SNX5: variants seen among roughly 807,000 people sequenced by gnomAD.
The protein encoded by SNX5 is sorting nexin-5.
Under a neutral mutation model 53.9 loss-of-function variants are expected in SNX5, and 31 were observed. The ratio of observed to expected loss-of-function variants is 0.58; its 90% CI spans 0.43 to 0.78. SNX5 has a LOEUF of 0.78. Among genes scored for constraint, SNX5 ranks in the 30% least tolerant of loss-of-function variants. SNX5 has a pLI of 0.00. For missense variants in SNX5, 471 were observed against 478.8 expected, an observed-to-expected ratio of 0.98 and a Z score of 0.15; for synonymous variants, 168 against 171.1, an observed-to-expected ratio of 0.98 and a Z score of 0.14.
At chr20:17,948,728 T>C (rs541923753) in intron 10 of SNX5, among the ~76,000 whole-genome samples, 162 bp downstream of exon 10, 5 of 152,336 alleles carry the variant, frequency 3.3e-5, no homozygotes, top group Admixed American at 2.6e-4. Context: ...ACCCATACAG[T>C]GCTGTCAGAT....
At position 17,961,896 on chromosome 20, in the gene SNX5, G is replaced by A. The variant is rs866648517; in HGVS notation, c.52-4859C>T. The A allele has an allele frequency of 2.6e-4, 256 of 985,158 alleles. No homozygotes were observed. The Middle Eastern group carries it at 6.8e-3, about 26-fold the overall frequency. The allele number at this position is 985,158 out of a possible 1,614,324, so 61.0% of individuals were successfully genotyped here. ...TGGAAAGATATCCACACCTTGCCTA[G>A]TCCAATATTTGTTAAGTGAGAATAT... On this transcript the variant is annotated intron_variant, in intron 1 of 12. Coordinates refer to ENST00000377759, the MANE Select transcript of SNX5 (RefSeq NM_014426.4).
rs777870522 is a variant in SNX5 at position 17,955,342 on chromosome 20, AT to A, written c.267+22del. 1.9e-6 allele frequency: 3 copies of A among 1,546,660 alleles called. No individual in the cohort carries two copies. The East Asian group carries it at 6.7e-5, about 35-fold the overall frequency. On this transcript the variant is annotated intron_variant, in intron 3 of 12. Coordinates refer to ENST00000377759, the MANE Select transcript of SNX5 (RefSeq NM_014426.4). The stretch of plus-strand genomic sequence containing the variant: ...ATAGCAAGGCAGAAAGAACTAGCTT[AT>A]TTGATTTTCTAAAAGACTCACAATA...
chr20:17,958,868 C>G (rs2035406212), intron 1 of SNX5, among the ~76,000 whole-genome samples: 1 of 152,142 alleles, frequency 6.6e-6, no homozygotes, highest in African/African-American at 2.4e-5. Context: ...AGAGGCTATA[C>G]CAACGACTCT....
At chr20:17,965,229 C>A (rs979163104) in intron 1 of SNX5, among the ~76,000 whole-genome samples, 1 of 152,062 alleles carries the variant, frequency 6.6e-6, no homozygotes, top group African/African-American at 2.4e-5. Flanking sequence ...GGGAGGAGGC[C>A]GCGTCCTAGC....
chr20:17,961,770 T>G (rs2035454957), intron 1 of SNX5: 1 of 985,290 alleles, frequency 1.0e-6, no homozygotes, highest in African/African-American at 1.7e-5. Context: ...TTCCACTGCC[T>G]AAGAAACTAA....
chr20:17,953,591 C>A (rs968616007), intron 4 of SNX5, among the ~76,000 whole-genome samples: 1 of 151,972 alleles, frequency 6.6e-6, no homozygotes, highest in Non-Finnish European at 1.5e-5. Context: ...CCAGCCGGGG[C>A]AACACATGAC....
At position 17,961,488 on chromosome 20, in the gene SNX5, T is replaced by G. The variant is rs1285942863; in HGVS notation, c.52-4451A>C. 3 of 985,330 alleles carry G rather than the reference T, an allele frequency of 3.0e-6. No homozygotes were observed. In the East Asian group the frequency reaches 3.4e-4, roughly 111 times the overall value. 61.0% of individuals were successfully genotyped at this position (985,330 alleles called of 1,614,324 possible). On this transcript the variant is annotated intron_variant, in intron 1 of 12. Coordinates refer to ENST00000377759, the MANE Select transcript of SNX5 (RefSeq NM_014426.4). The stretch of plus-strand genomic sequence containing the variant: ...CTCCACAATCTCTGATCTGTTAGAT[T>G]GGGGCTAGTTGAACAGTCATTTAAA...
At position 17,968,429 on chromosome 20, in the gene SNX5, G is replaced by A. The variant is rs1600367627; in HGVS notation, c.-4C>T. On this transcript the variant is annotated 5_prime_UTR_variant, in exon 1 of 13. Transcript: ENST00000377759. ...GCAACTCGGGAACCGCGGCCATGGCGACGCGGGACTCGAGCAGGGGCCGCC... is the reference window on the plus strand; with the variant it reads ...GCAACTCGGGAACCGCGGCCATGGCAACGCGGGACTCGAGCAGGGGCCGCC... 1 of 1,287,266 alleles carries A rather than the reference G, an allele frequency of 7.8e-7. No homozygotes were observed. The highest frequency in any genetic ancestry group is 9.9e-7 in the Non-Finnish European group (1 of 1,014,070). The allele number at this position is 1,287,266 out of a possible 1,614,324, so 79.7% of individuals were successfully genotyped here.
intron 4 of SNX5, 59 bp downstream of exon 4, chr20:17,953,937 T>C (rs2122379444): frequency 7.0e-7 from 1 of 1,421,778 alleles, no homozygotes; most frequent in Non-Finnish European, 9.8e-7. Flanking sequence ...CTTATTTTTG[T>C]ACACAGCACC....
chr20:17,951,783 C>T lies in SNX5; in HGVS notation c.514-188G>A, dbSNP rs185161516. Reference sequence around the variant, plus strand: ...CTAAACCCAAACATAGGTAGGTCATCTCATTCTAAAAGGCTTGACAGATTT... The same window carrying T: ...CTAAACCCAAACATAGGTAGGTCATTTCATTCTAAAAGGCTTGACAGATTT... On this transcript the variant is annotated intron_variant, in intron 5 of 12. Transcript: ENST00000377759. Among the ~76,000 whole-genome samples the T allele has an allele frequency of 2.0e-5, 3 of 152,310 alleles. No individual in the cohort carries two copies. In the East Asian group the frequency reaches 5.8e-4, roughly 29 times the overall value.
intron 10 of SNX5, among the ~76,000 whole-genome samples, chr20:17,948,363 G>T (rs937256518): frequency 6.6e-6 from 1 of 152,192 alleles, no homozygotes; most frequent in Non-Finnish European, 1.5e-5. Context: ...AAATAAAATT[G>T]CATGATGGGG....
At chr20:17,963,024 C>G in intron 1 of SNX5, 1 of 385,920 alleles carries the variant, frequency 2.6e-6, no homozygotes, top group East Asian at 6.6e-5. Flanking sequence ...TAATGCATGT[C>G]AAGAAATCCA....
intron 6 of SNX5, 149 bp downstream of exon 6, chr20:17,951,351 T>G: frequency 3.3e-6 from 2 of 612,620 alleles, no homozygotes; most frequent in South Asian, 4.2e-5. Flanking sequence ...GAAAATTGAA[T>G]AAGTAGATGA....
intron 1 of SNX5, chr20:17,962,750 C>T: frequency 1.9e-6 from 1 of 519,222 alleles, no homozygotes; most frequent in South Asian, 1.4e-5. Flanking sequence ...AGATGGGTCT[C>T]AGAGGGCCCC....
chr20:17,961,897 T>A, intron 1 of SNX5: 1 of 985,344 alleles, frequency 1.0e-6, no homozygotes. Flanking sequence ...CCTTGCCTAG[T>A]CCAATATTTG....
rs2035333892 is a variant in SNX5, at chr20:17,955,278, A to T, written c.267+87T>A. 3.4e-6 allele frequency: 3 copies of T among 886,308 alleles called. No homozygotes were observed. The Admixed American group carries it at 7.7e-5, about 23-fold the overall frequency. 54.9% of individuals were successfully genotyped at this position (886,308 alleles called of 1,614,324 possible). A position where few individuals can be genotyped will look rare whatever the true frequency, so the allele number is the denominator to read the frequency against. Reference sequence around the variant, plus strand: ...GATGAAATCTAACTTTTCACAATCCATTAAAAAAAGTGGATATAAGTCTCT... The same window carrying T: ...GATGAAATCTAACTTTTCACAATCCTTTAAAAAAAGTGGATATAAGTCTCT... On this transcript the variant is annotated intron_variant, in intron 3 of 12. Transcript: ENST00000377759.
Position 17,947,451 on chromosome 20 carries a change from A to G in SNX5, c.1078+35T>C, listed in dbSNP as rs746731767. The G allele has an allele frequency of 3.1e-6, 5 of 1,587,462 alleles. No homozygotes were observed. The East Asian group carries it at 1.1e-4, about 36-fold the overall frequency. On this transcript the variant is annotated intron_variant, in intron 11 of 12. Transcript: ENST00000377759. ...TTTTCTAAGTTTGAAATTATTTTCAAATTACAGTACAGAAAGAAGAATGTC... is the reference window on the plus strand; with the variant it reads ...TTTTCTAAGTTTGAAATTATTTTCAGATTACAGTACAGAAAGAAGAATGTC...
At chr20:17,955,543 T>C in intron 2 of SNX5, 68 bp from the exon 3 acceptor site, 2 of 1,068,076 alleles carry the variant, frequency 1.9e-6, no homozygotes, top group Non-Finnish European at 2.9e-6. Flanking sequence ...TTTCCTAGGC[T>C]ACACAGTGGG....
rs1003613074 is a variant in SNX5, at chr20:17,950,326, C to G, written c.680G>C (p.Cys227Ser). Residue 227 changes from cysteine (C) to serine (S), a missense_variant, in exon 7 of 13, where the codon TGT (cysteine) becomes TCT (serine). Coordinates refer to ENST00000377759, the MANE Select transcript of SNX5 (RefSeq NM_014426.4). ...TCTGGTCATTTTGTCAGCTTTCACACAAGAATCTTTGATCCTATTGTAATA... is the reference window on the plus strand; with the variant it reads ...TCTGGTCATTTTGTCAGCTTTCACAGAAGAATCTTTGATCCTATTGTAATA... ...INYYNRIKDSCVKADKMTRSH... is the reference protein window; with the variant it reads ...INYYNRIKDSSVKADKMTRSH... The G allele has an allele frequency of 6.2e-7, 1 of 1,613,602 alleles. No individual in the cohort carries two copies. The highest frequency in any genetic ancestry group is 1.3e-5 in the African/African-American group (1 of 75,030).
Sources: gnomAD v4.1 joint callset for allele counts (sites outside exome capture counted in the v4.1 genomes callset) on GRCh38, gnomAD v4.1.1 for gene constraint, MANE v1.5 for transcripts, NCBI Gene and HGNC (gene_info 2026-07-23, HGNC 2026-07-21) for gene names.